The following SVIL variants were observed in gnomAD, a reference collection of about 807,000 sequenced individuals.
The protein encoded by SVIL is archvillin.
In SVIL, 101 loss-of-function variants were observed where a neutral mutation model predicts 240.4. The ratio of observed to expected loss-of-function variants is 0.42; its 90% CI spans 0.36 to 0.50. The LOEUF is 0.50. Among genes scored for constraint, SVIL ranks in the 20% least tolerant of loss-of-function variants. SVIL has a pLI of 0.01. For synonymous variants in SVIL, 999 were observed against 1,100.0 expected (o/e 0.91, Z 1.82); for missense variants, 2,512 against 2,818.7 (o/e 0.89, Z 2.46).
chr10:29,692,475 G>A (rs1961583787), intron 1 of SVIL, among the ~76,000 whole-genome samples: 1 of 152,168 alleles, frequency 6.6e-6, no homozygotes, highest in African/African-American at 2.4e-5. Flanking sequence ...CCTGCAATGA[G>A]ATCATCAGTG....
rs140516224 is a variant in SVIL, at chr10:29,505,366, A to C, written c.3517-6103T>G. 7.9e-4 allele frequency among the ~76,000 whole-genome samples: 120 copies of C among 152,208 alleles called. 2 individuals carry two copies. In the East Asian group the frequency reaches 0.019, roughly 25 times the overall value. ...AATCATAATAATTTAAAAATAAATA[A>C]AATTTTAAAAAGACACAGAGGAATC... On this transcript the variant is annotated intron_variant, in intron 17 of 37. Transcript: ENST00000355867.
At chr10:29,554,105 C>A (rs1000726337) in intron 5 of SVIL, among the ~76,000 whole-genome samples, 1 of 152,122 alleles carries the variant, frequency 6.6e-6, no homozygotes, top group Non-Finnish European at 1.5e-5. Context: ...AGGCCAGATC[C>A]GTGAGGCGGG....
intron 1 of SVIL, among the ~76,000 whole-genome samples, chr10:29,615,018 A>T (rs1361771961): frequency 6.6e-6 from 1 of 152,178 alleles, no homozygotes; most frequent in Non-Finnish European, 1.5e-5. Context: ...ATTGAGGCAG[A>T]AGTTAAGTTA....
chr10:29,709,661 G>A (rs1376541718), intron 1 of SVIL, among the ~76,000 whole-genome samples: 1 of 152,184 alleles, frequency 6.6e-6, no homozygotes, highest in African/African-American at 2.4e-5. Context: ...ATACCCAGGG[G>A]CGTCACCCCA....
intron 17 of SVIL, among the ~76,000 whole-genome samples, chr10:29,504,726 G>C (rs757586559): frequency 5.9e-5 from 9 of 152,202 alleles, no homozygotes; most frequent in Non-Finnish European, 1.0e-4. Flanking sequence ...GGAGCGACAG[G>C]AACTCTCATT....
rs895069554 is a variant in SVIL, at chr10:29,471,351, C to G, written c.5530-108G>C. 8.1e-6 allele frequency: 7 copies of G among 863,150 alleles called. No individual in the cohort carries two copies. In the Admixed American group the frequency reaches 1.8e-4, roughly 22 times the overall value. 53.5% of individuals were successfully genotyped at this position (863,150 alleles called of 1,614,324 possible). A position where few individuals can be genotyped will look rare whatever the true frequency, so the allele number is the denominator to read the frequency against. The stretch of plus-strand genomic sequence containing the variant: ...TCTGAAAAATACCAAGACGTACAAA[C>G]AAAAGCCATTGCTAACACTACCACC... On this transcript the variant is annotated intron_variant, in intron 30 of 37. Coordinates refer to ENST00000355867, the MANE Select transcript of SVIL (RefSeq NM_021738.3).
intron 1 of SVIL, among the ~76,000 whole-genome samples, chr10:29,731,212 G>C (rs1467937120): frequency 2.6e-5 from 4 of 152,164 alleles, no homozygotes; most frequent in Non-Finnish European, 5.9e-5. Context: ...TCTGAACTGC[G>C]AGTCCATCCA....
At chr10:29,460,284 G>A (rs747091362) in intron 36 of SVIL, among the ~76,000 whole-genome samples, 7 of 152,162 alleles carry the variant, frequency 4.6e-5, no homozygotes, top group Non-Finnish European at 1.0e-4. Flanking sequence ...TAAAGTGCTT[G>A]GAGATGTGCC....
At chr10:29,604,355 AT>A (rs1199372732) in intron 1 of SVIL, among the ~76,000 whole-genome samples, 1 of 105,278 alleles carries the variant, frequency 9.5e-6, no homozygotes. Context: ...ATGTGCCACC[AT>A]GTCTGGCTTT....
At chr10:29,733,356 GC>G (rs1964724657) in intron 1 of SVIL, among the ~76,000 whole-genome samples, 1 of 152,118 alleles carries the variant, frequency 6.6e-6, no homozygotes, top group Non-Finnish European at 1.5e-5. Flanking sequence ...CAGCTGTCTA[GC>G]TCTGTTGCCC....
At chr10:29,680,486 G>A (rs562365743) in intron 2 of SVIL, among the ~76,000 whole-genome samples, 1 of 152,340 alleles carries the variant, frequency 6.6e-6, no homozygotes, top group Non-Finnish European at 1.5e-5. Context: ...AGGGGGCCGT[G>A]GGATGGGAGC....
At chr10:29,609,747 C>T (rs1957168650) in intron 1 of SVIL, among the ~76,000 whole-genome samples, 1 of 152,232 alleles carries the variant, frequency 6.6e-6, no homozygotes, top group South Asian at 2.1e-4. Flanking sequence ...TGGAGCTTCC[C>T]ACCCTGCCAC....
chr10:29,662,713 T>C (rs754786093), intron 2 of SVIL, among the ~76,000 whole-genome samples: 1 of 152,024 alleles, frequency 6.6e-6, no homozygotes, highest in Non-Finnish European at 1.5e-5. Context: ...TTAGAAGCAA[T>C]GAGCAACAAT....
chr10:29,541,061 A>T (rs931059997), intron 6 of SVIL, among the ~76,000 whole-genome samples: 2 of 152,246 alleles, frequency 1.3e-5, no homozygotes, highest in African/African-American at 2.4e-5. Flanking sequence ...GAGATTTTTT[A>T]AAAAACATGA....
chr10:29,664,564 C>T (rs3858233), intron 2 of SVIL, among the ~76,000 whole-genome samples: 38,808 of 151,740 alleles, frequency 0.26, 6,149 homozygotes, highest in African/African-American at 0.45. Context: ...ACAGGAATAA[C>T]AATAATAATA....
At chr10:29,562,436 G>A (rs538994823) in intron 3 of SVIL, among the ~76,000 whole-genome samples, 2 of 152,190 alleles carry the variant, frequency 1.3e-5, no homozygotes, top group South Asian at 2.1e-4. Flanking sequence ...CGGGCTGTTC[G>A]CCGCTCAGCA....
At chr10:29,643,629 C>T (rs1000359532) in intron 3 of SVIL, among the ~76,000 whole-genome samples, 3 of 152,144 alleles carry the variant, frequency 2.0e-5, no homozygotes, top group Non-Finnish European at 4.4e-5. Flanking sequence ...CAACCAACAA[C>T]CCCCCACCCC....
chr10:29,516,163 G>GT (rs1453552611), intron 16 of SVIL, among the ~76,000 whole-genome samples: 1 of 152,162 alleles, frequency 6.6e-6, no homozygotes, highest in Non-Finnish European at 1.5e-5. Context: ...TTCTTATAAG[G>GT]TTTTTCCCAC....
chr10:29,668,675 T>C (rs1042282779), intron 2 of SVIL, among the ~76,000 whole-genome samples: 1 of 152,196 alleles, frequency 6.6e-6, no homozygotes, highest in Non-Finnish European at 1.5e-5. Flanking sequence ...AGTTTCACCA[T>C]GTTGGCCAGG....
Sources: gnomAD v4.1 joint callset for allele counts (sites outside exome capture counted in the v4.1 genomes callset) on GRCh38, gnomAD v4.1.1 for gene constraint, MANE v1.5 for transcripts, NCBI Gene and HGNC (gene_info 2026-07-23, HGNC 2026-07-21) for gene names.